The following SAGE1 variants were observed in gnomAD, a reference collection of about 807,000 sequenced individuals.
SAGE1 encodes sarcoma antigen 1.
A neutral mutation model predicts 55.4 loss-of-function variants in SAGE1; 55 were observed. That is an observed-to-expected ratio of 0.99 (90% CI 0.80 to 1.24). The LOEUF (loss-of-function observed/expected upper bound fraction) is 1.24, where lower values mean the gene tolerates loss of function less well. Among genes scored for constraint, SAGE1 ranks in the 50% most tolerant of loss-of-function variants. The probability of loss-of-function intolerance (pLI) is 0.00; values close to 1 mark genes in which losing one functional copy is unlikely to be tolerated. For missense variants in SAGE1, 710 were observed against 704.4 expected, an observed-to-expected ratio of 1.01 and a Z score of -0.09; for synonymous variants, 240 against 244.3, an observed-to-expected ratio of 0.98 and a Z score of 0.17.
rs1239147347 is a variant in SAGE1 at position 135,911,775 on chromosome X, T to A, written c.2343T>A (p.Ser781Arg). 6 of 1,209,676 alleles carry A rather than the reference T, an allele frequency of 5.0e-6. No homozygotes were observed. The South Asian group carries it at 7.0e-5, about 14-fold the overall frequency. ...ATGAGCTGCTTTACAAACCTGATAGTAATGAATTTGCGGTAGGCACCAAAA... is the reference window on the plus strand; with the variant it reads ...ATGAGCTGCTTTACAAACCTGATAGAAATGAATTTGCGGTAGGCACCAAAA... The part of the protein sequence containing the change: ...SKDELLYKPD[S>R]NEFAVGTKNY... The change falls in exon 18 of 20, where the codon AGT (serine) becomes AGA (arginine). Residue 781 changes from serine to arginine, a missense_variant. Ser to Arg is a moderately radical substitution (Grantham distance 110). Transcript: ENST00000370709.
rs782458217 is a variant in SAGE1 at position 135,908,530 on chromosome X, A to C, written c.1354A>C (p.Lys452Gln). The change falls in exon 12 of 20, where the codon AAA becomes CAA. Residue 452 changes from lysine to glutamine, a missense_variant. Coordinates refer to ENST00000370709, the MANE Select transcript of SAGE1 (RefSeq NM_001381902.1). ...AGCAAGGATGGAAAATGGCCAACGA[A>C]AACAGGATAACGTCTTGTCAAATGT... ...HEARMENGQR[K>Q]QDNVLSNVLS... 2.5e-6 allele frequency: 3 copies of C among 1,208,062 alleles called. No homozygotes were observed. Among genetic ancestry groups the C allele is most frequent in the South Asian group, 3.6e-5 (2 of 56,218 alleles).
At chrX:135,896,183 C>T in intron 1 of SAGE1, 60 bp from the exon 2 acceptor site, 1 of 825,917 alleles carries the variant, frequency 1.2e-6, no homozygotes, top group Admixed American at 2.2e-5. Flanking sequence ...CAGTTACGTT[C>T]CAGTTATAAA....
intron 2 of SAGE1, 57 bp from the exon 3 acceptor site, chrX:135,901,502 T>G: frequency 8.8e-7 from 1 of 1,142,796 alleles, no homozygotes; most frequent in Non-Finnish European, 1.2e-6. Flanking sequence ...ATGAAGACTG[T>G]GACTTTGCAG....
At chrX:135,908,025 G>A in intron 10 of SAGE1, 64 bp from the exon 11 acceptor site, 2 of 1,140,857 alleles carry the variant, frequency 1.8e-6, no homozygotes, top group Non-Finnish European at 2.4e-6. Flanking sequence ...ATCAGAGGGG[G>A]TATTCCTGTG....
At position 135,910,088 on chromosome X, in the gene SAGE1, C is replaced by A; in HGVS notation, c.1782C>A (p.Ser594=). 8.3e-7 allele frequency: 1 copy of A among 1,205,593 alleles called. No individual in the cohort carries two copies. Among genetic ancestry groups the A allele is most frequent in the South Asian group, 1.8e-5 (1 of 56,744 alleles). Residue 594 remains serine (S), a synonymous_variant, in exon 15 of 20, where the codon TCC becomes TCA. Coordinates refer to ENST00000370709, the MANE Select transcript of SAGE1 (RefSeq NM_001381902.1). ...AGATTAAAAATGGCCAAGCAGCATC[C>A]GATAATGTCTTCTCGACTGTTCCAC... ...EEKIKNGQAA[S]DNVFSTVPPA...
rs1313875940 is a variant in SAGE1 at position 135,909,807 on chromosome X, C to T, written c.1723+28C>T. 4 of 1,157,379 alleles carry T rather than the reference C, an allele frequency of 3.5e-6. No homozygotes were observed. The African/African-American group carries it at 5.4e-5, about 16-fold the overall frequency. The stretch of plus-strand genomic sequence containing the variant: ...ATGTTTGCTTATTCAGTTGTACTGT[C>T]CTACTTGGTTTTCATATGCATGCCT... On this transcript the variant is annotated intron_variant, in intron 14 of 19. Transcript: ENST00000370709.
At position 135,907,435 on chromosome X, in the gene SAGE1, A is replaced by G; in HGVS notation, c.1000A>G (p.Met334Val). ...TTTGACAGCAACTGGTATTCCGGGCATGAATACCAGGGATCAGTGTATGTT... is the reference window on the plus strand; with the variant it reads ...TTTGACAGCAACTGGTATTCCGGGCGTGAATACCAGGGATCAGTGTATGTT... ...IYLTATGIPG[M>V]NTRDQYATIT... is the part of the protein sequence containing the mutation. Residue 334 changes from methionine to valine, a missense_variant, in exon 9 of 20, where the codon ATG (methionine) becomes GTG (valine). Transcript: ENST00000370709. The G allele has an allele frequency of 8.3e-7, 1 of 1,206,162 alleles. No homozygotes were observed. The highest frequency in any genetic ancestry group is 1.1e-6 in the Non-Finnish European group (1 of 891,064).
At chrX:135,905,466 C>T in intron 5 of SAGE1, 74 bp downstream of exon 5, 1 of 1,029,357 alleles carries the variant, frequency 9.7e-7, no homozygotes, top group Non-Finnish European at 1.3e-6. Flanking sequence ...AGGTAGAAGT[C>T]ACTTTTGTTG....
rs1457605756 is a variant in SAGE1, at chrX:135,911,608, G to A, written c.2176G>A (p.Glu726Lys). The change falls in exon 18 of 20, where the codon GAG becomes AAG. Residue 726 changes from glutamate (E) to lysine (K), a missense_variant. By Grantham distance (56) the Glu-to-Lys change is moderately conservative. Coordinates refer to ENST00000370709, the MANE Select transcript of SAGE1 (RefSeq NM_001381902.1). Reference sequence around the variant, plus strand: ...TACTGTCATTCACGATATCCAGGAGGAGGAGATGGAAAATGATCAAACCCC... The same window carrying A: ...TACTGTCATTCACGATATCCAGGAGAAGGAGATGGAAAATGATCAAACCCC... ...YATVIHDIQE[E>K]EMENDQTPPD... 1 of 1,206,201 alleles carries A rather than the reference G, an allele frequency of 8.3e-7. No individual in the cohort carries two copies. Among genetic ancestry groups the A allele is most frequent in the South Asian group, 1.8e-5 (1 of 56,448 alleles).
chrX:135,913,003 A>G lies in SAGE1; in HGVS notation c.*106A>G. On this transcript the variant is annotated 3_prime_UTR_variant, in exon 20 of 20. Coordinates refer to ENST00000370709, the MANE Select transcript of SAGE1 (RefSeq NM_001381902.1). ...CCTGAAATGAAGAGAATTCCCTTCC[A>G]GAAGCTACGAAAAAGGGAGCTGTTT... The G allele has an allele frequency of 3.9e-6, 2 of 517,676 alleles. No individual in the cohort carries two copies. The highest frequency in any genetic ancestry group is 3.2e-6 in the Non-Finnish European group (1 of 313,687). The allele number at this position is 517,676 out of a possible 1,213,427, so 42.7% of individuals were successfully genotyped here.
At position 135,907,274 on chromosome X, in the gene SAGE1, G is replaced by A. The variant is rs371220758; in HGVS notation, c.878-39G>A. 1.6e-5 allele frequency: 19 copies of A among 1,177,830 alleles called. 1 individual carries two copies. Among genetic ancestry groups the A allele is most frequent in the Non-Finnish European group, 2.2e-5 (19 of 875,447 alleles). Reference sequence around the variant, plus strand: ...GGTATACCTGTGGGGCTGACATAATGCACTTACTCACAGCTCAACCTCTTC... The same window carrying A: ...GGTATACCTGTGGGGCTGACATAATACACTTACTCACAGCTCAACCTCTTC... On this transcript the variant is annotated intron_variant, in intron 8 of 19. Transcript: ENST00000370709.
At position 135,911,327 on chromosome X, in the gene SAGE1, A is replaced by G. The variant is rs1556606383; in HGVS notation, c.2141A>G (p.Asp714Gly). ...GAGISCRSTR[D>G]LYATVIHDIQ... ...GGTATTTCATGCAGAAGTACCAGGG[A>G]TCTGTGTATGTTTGTGTATTGGTTG... Residue 714 changes from aspartate to glycine, a missense_variant, in exon 17 of 20, where the codon GAT becomes GGT. Physicochemically the swap from Asp to Gly is moderately conservative, Grantham distance 94. Transcript: ENST00000370709. 3.3e-6 allele frequency: 4 copies of G among 1,207,990 alleles called. No individual in the cohort carries two copies. Among genetic ancestry groups the G allele is most frequent in the Admixed American group, 4.4e-5 (2 of 45,878 alleles).
intron 15 of SAGE1, 45 bp downstream of exon 15, chrX:135,910,215 G>T: frequency 1.8e-6 from 2 of 1,137,458 alleles, no homozygotes; most frequent in Non-Finnish European, 2.4e-6. Flanking sequence ...GTTTCCATAT[G>T]CATGCATAGT....
rs1556600611 is a variant in SAGE1 at position 135,906,075 on chromosome X, C to T, written c.506C>T (p.Pro169Leu). 9.1e-6 allele frequency: 11 copies of T among 1,206,924 alleles called. No homozygotes were observed. The highest frequency in any genetic ancestry group is 1.1e-5 in the Non-Finnish European group (10 of 891,572). ...GAAGAGAGAATGGAAAATGGCCAAC[C>T]CCAACCTGATAACGTCTTGTCAACT... ...IREERMENGQ[P>L]QPDNVLSTGP... Residue 169 changes from proline to leucine, a missense_variant, in exon 6 of 20, where the codon CCC (proline) becomes CTC (leucine). By Grantham distance (98) the Pro-to-Leu change is moderately conservative. Coordinates refer to ENST00000370709, the MANE Select transcript of SAGE1 (RefSeq NM_001381902.1).
At position 135,910,427 on chromosome X, in the gene SAGE1, C is replaced by T; in HGVS notation, c.1877C>T (p.Thr626Ile). The T allele has an allele frequency of 1.7e-6, 2 of 1,210,556 alleles. No homozygotes were observed. The highest frequency in any genetic ancestry group is 2.2e-6 in the Non-Finnish European group (2 of 894,770). The change falls in exon 16 of 20, where the codon ACT (threonine) becomes ATT (isoleucine). Residue 626 changes from threonine (T) to isoleucine (I), a missense_variant. By Grantham distance (89) the Thr-to-Ile change is moderately conservative. Transcript: ENST00000370709. The stretch of plus-strand genomic sequence containing the variant: ...CTTTTGTTTCCAGATGCTGCAGTCA[C>T]TCACAACATCCGTGAAGAGAAGATA... The part of the protein sequence containing the change: ...MSTRDQYAAV[T>I]HNIREEKINN...
At chrX:135,903,126 T>C (rs1603131868) in intron 3 of SAGE1, among the ~76,000 whole-genome samples, 1 of 111,664 alleles carries the variant, frequency 9.0e-6, no homozygotes, top group African/African-American at 3.3e-5. Context: ...TGGCTCTCTC[T>C]GCCTCTGACC....
Position 135,911,918 on chromosome X carries a change from A to G in SAGE1, c.2486A>G (p.Tyr829Cys), listed in dbSNP as rs782705352. ...AAGAAAATTAATGATGATATAAAAT[A>G]TCAATTAATGAAAGAAGTTCGAAGG... ...MAKKINDDIKYQLMKEVRRFG... is the reference protein window; with the variant it reads ...MAKKINDDIKCQLMKEVRRFG... The change falls in exon 18 of 20, where the codon TAT becomes TGT. Residue 829 changes from tyrosine to cysteine, a missense_variant. By Grantham distance (194) the Tyr-to-Cys change is radical (BLOSUM62 -2). Transcript: ENST00000370709. The G allele has an allele frequency of 5.8e-6, 7 of 1,207,840 alleles. No individual in the cohort carries two copies. In the African/African-American group the frequency reaches 1.2e-4, roughly 21 times the overall value.
chrX:135,910,341 A>C, intron 15 of SAGE1, 74 bp from the exon 16 acceptor site: 1 of 1,109,241 alleles, frequency 9.0e-7, no homozygotes, highest in East Asian at 3.0e-5. Flanking sequence ...CTAGATACTG[A>C]GCATCAGAGG....
At position 135,906,042 on chromosome X, in the gene SAGE1, A is replaced by T. The variant is rs781899088; in HGVS notation, c.473A>T (p.Asn158Ile). The change falls in exon 6 of 20, where the codon AAT becomes ATT. Residue 158 changes from asparagine to isoleucine, a missense_variant. Physicochemically the swap from Asn to Ile is moderately radical, Grantham distance 149. Transcript: ENST00000370709. Reference sequence around the variant, plus strand: ...TTTCCAGATTCTACCGTCACTCACAATATCCGTGAAGAGAGAATGGAAAAT... The same window carrying T: ...TTTCCAGATTCTACCGTCACTCACATTATCCGTGAAGAGAGAATGGAAAAT... ...TRDLHSTVTH[N>I]IREERMENGQ... 2 of 1,205,259 alleles carry T rather than the reference A, an allele frequency of 1.7e-6. No individual in the cohort carries two copies. The highest frequency in any genetic ancestry group is 2.2e-6 in the Non-Finnish European group (2 of 892,533).
Sources: allele counts gnomAD v4.1 joint callset (sites outside exome capture counted in the v4.1 genomes callset), GRCh38; gene constraint gnomAD v4.1.1; transcripts MANE v1.5; gene names NCBI Gene and HGNC (gene_info 2026-07-23, HGNC 2026-07-21).